ALDH1L2: variants seen among roughly 807,000 people sequenced by gnomAD.
ALDH1L2 encodes mitochondrial 10-formyltetrahydrofolate dehydrogenase.
Under a neutral mutation model 111.0 loss-of-function variants are expected in ALDH1L2, and 91 were observed. That is an observed-to-expected ratio of 0.82 (90% CI 0.69 to 0.98). The LOEUF (loss-of-function observed/expected upper bound fraction) is 0.98, where lower values mean the gene tolerates loss of function less well. ALDH1L2 is among the 50% of genes least tolerant of loss of function. The pLI, the probability that ALDH1L2 is intolerant of heterozygous loss-of-function variation, is 0.00. For missense variants in ALDH1L2, 995 were observed against 1,126.8 expected, an observed-to-expected ratio of 0.88 and a Z score of 1.67; for synonymous variants, 374 against 392.6, an observed-to-expected ratio of 0.95 and a Z score of 0.56.
chr12:105,051,159 T>G (rs539290102), intron 12 of ALDH1L2, among the ~76,000 whole-genome samples: 1 of 152,206 alleles, frequency 6.6e-6, no homozygotes, highest in Admixed American at 6.5e-5. Flanking sequence ...AACAGGGTAC[T>G]GGATATTCTC....
chr12:105,031,725 G>A (rs1265368437), intron 20 of ALDH1L2, 44 bp downstream of exon 20: 2 of 1,591,664 alleles, frequency 1.3e-6, no homozygotes, highest in Non-Finnish European at 1.7e-6. Flanking sequence ...CATTCCAACT[G>A]AAGAAGGCGG....
chr12:105,080,014 A>G (rs900085557), intron 1 of ALDH1L2, among the ~76,000 whole-genome samples: 3 of 152,200 alleles, frequency 2.0e-5, no homozygotes, highest in African/African-American at 7.2e-5. Context: ...TAGTGTAGCT[A>G]TATCTCAGTT....
At chr12:105,074,457 CCAAAAAAA>C (rs1224038184) in intron 1 of ALDH1L2, among the ~76,000 whole-genome samples, 7 of 93,700 alleles carry the variant, frequency 7.5e-5, no homozygotes, top group South Asian at 3.1e-4. Flanking sequence ...GACTCTGTCT[CCAAAAAAA>C]AAAAAAAAAA....
In ALDH1L2 at chr12:105,026,196, T is replaced by G. The variant is rs531153838; in HGVS notation, c.2716+349A>C. ...TTATTGCTCTCCACCCATTTGCCTCTCTTGGTTCCATTTAGTCTCGTGACA... is the reference window on the plus strand; with the variant it reads ...TTATTGCTCTCCACCCATTTGCCTCGCTTGGTTCCATTTAGTCTCGTGACA... On this transcript the variant is annotated intron_variant, in intron 22 of 22. Transcript: ENST00000258494. Among the ~76,000 whole-genome samples the G allele has an allele frequency of 8.9e-4, 135 of 152,310 alleles. 1 individual carries two copies. Among genetic ancestry groups the G allele is most frequent in the Non-Finnish European group, 1.4e-3 (98 of 68,026 alleles).
intron 1 of ALDH1L2, among the ~76,000 whole-genome samples, chr12:105,083,719 T>C (rs1000176813): frequency 6.6e-6 from 1 of 152,174 alleles, no homozygotes; most frequent in African/African-American, 2.4e-5. Context: ...CTCGGTTCCA[T>C]TTCTGGAGGA....
In ALDH1L2 at chr12:105,052,099, A is replaced by G. The variant is rs753101375; in HGVS notation, c.1526T>C (p.Leu509Ser). 2 of 1,603,102 alleles carry G rather than the reference A, an allele frequency of 1.2e-6. No homozygotes were observed. Among genetic ancestry groups the G allele is most frequent in the East Asian group, 4.5e-5 (2 of 44,478 alleles). Residue 509 changes from leucine (L) to serine (S), a missense_variant, in exon 12 of 23, where the codon TTG (leucine) becomes TCG (serine). Physicochemically the swap from Leu to Ser is moderately radical, Grantham distance 145. Coordinates refer to ENST00000258494, the MANE Select transcript of ALDH1L2 (RefSeq NM_001034173.4). ...TAAAAAATAGAAATACCTATACATCAATCTTCCTCTTTCTCTTGCATTCAT... is the reference window on the plus strand; with the variant it reads ...TAAAAAATAGAAATACCTATACATCGATCTTCCTCTTTCTCTTGCATTCAT... ...GRMNARERGRLMYRLADLLEE... is the reference protein window; with the variant it reads ...GRMNARERGRSMYRLADLLEE...
intron 1 of ALDH1L2, among the ~76,000 whole-genome samples, chr12:105,081,849 G>T (rs555522910): frequency 1.5e-4 from 23 of 152,252 alleles, no homozygotes; most frequent in African/African-American, 5.3e-4. Context: ...CCTTCATTCT[G>T]CTTTAATACT....
intron 6 of ALDH1L2, among the ~76,000 whole-genome samples, 176 bp from the exon 7 acceptor site, chr12:105,063,198 C>T (rs1288146937): frequency 6.6e-6 from 1 of 152,148 alleles, no homozygotes; most frequent in African/African-American, 2.4e-5. Flanking sequence ...ACAAGGTGGC[C>T]GGGCACAGTG....
rs182521463 is a variant in ALDH1L2, at chr12:105,066,167, A to T, written c.696+401T>A. The stretch of plus-strand genomic sequence containing the variant: ...TATCCCCTTTGCCCTTTTCATTAGC[A>T]TGTAGCTAGTGATATTTTGACATTT... On this transcript the variant is annotated intron_variant, in intron 5 of 22. Transcript: ENST00000258494. Among the ~76,000 whole-genome samples, 116 of 152,186 alleles carry T rather than the reference A, an allele frequency of 7.6e-4. 1 individual carries two copies. Among genetic ancestry groups the T allele is most frequent in the African/African-American group, 2.3e-3 (95 of 41,526 alleles).
At chr12:105,031,126 T>C (rs528101951) in intron 20 of ALDH1L2, among the ~76,000 whole-genome samples, 2 of 152,326 alleles carry the variant, frequency 1.3e-5, no homozygotes, top group African/African-American at 4.8e-5. Context: ...TTCTTCTTTT[T>C]CCCAGTGACT....
chr12:105,061,672 C>T lies in ALDH1L2; in HGVS notation c.1002G>A (p.Val334=). Residue 334 remains valine, a synonymous_variant, in exon 8 of 23, where the codon GTG becomes GTA. Coordinates refer to ENST00000258494, the MANE Select transcript of ALDH1L2 (RefSeq NM_001034173.4). ...SQYFSTGETS[V]VELTAEEVKV... ...TCACCTCTTCAGCTGTCAGTTCTAC[C>T]ACTGACGTCTCACCCGTTGAAAAGT... is the stretch of plus-strand genomic sequence containing the variant. 4 of 1,614,134 alleles carry T rather than the reference C, an allele frequency of 2.5e-6. No homozygotes were observed. Among genetic ancestry groups the T allele is most frequent in the Admixed American group, 3.3e-5 (2 of 60,024 alleles).
rs1426904480 is a variant in ALDH1L2, at chr12:105,036,128, A to ATATATGTGTATATATAT, written c.2146-1731_2146-1730insATATATATACACATATA. Among the ~76,000 whole-genome samples the ATATATGTGTATATATAT allele has an allele frequency of 7.8e-3, 355 of 45,226 alleles. 62 individuals are homozygous for ATATATGTGTATATATAT. Among genetic ancestry groups the ATATATGTGTATATATAT allele is most frequent in the Non-Finnish European group, 8.6e-3 (270 of 31,492 alleles). The allele number at this position is 45,226 out of a possible 152,430, so 29.7% of individuals were successfully genotyped here. On this transcript the variant is annotated intron_variant, in intron 18 of 22. Transcript: ENST00000258494. ...ATATTTATATATGTGTATATATATT[A>ATATATGTGTATATATAT]TATATATACGTATATTTATATATGT...
intron 10 of ALDH1L2, among the ~76,000 whole-genome samples, chr12:105,055,750 A>G (rs933811788): frequency 6.6e-6 from 1 of 152,204 alleles, no homozygotes; most frequent in Non-Finnish European, 1.5e-5. Context: ...AAATTATTTT[A>G]AAAAGAACCA....
intron 4 of ALDH1L2, among the ~76,000 whole-genome samples, chr12:105,066,951 G>A (rs868198827): frequency 1.3e-5 from 2 of 152,074 alleles, no homozygotes; most frequent in African/African-American, 2.4e-5. Context: ...AAGCAAGGCC[G>A]GGCGCAGTGG....
intron 1 of ALDH1L2, among the ~76,000 whole-genome samples, chr12:105,082,733 G>A (rs764171804): frequency 8.5e-5 from 13 of 152,160 alleles, no homozygotes; most frequent in Non-Finnish European, 1.3e-4. Flanking sequence ...GTGTGATTCC[G>A]GGGTCATATG....
rs1409980491 is a variant in ALDH1L2 at position 105,066,574 on chromosome 12, A to G, written c.690T>C (p.Asn230=). ...ATYEGIQKKE[N]AEISWDQSAE... ...TGAGTTGATATATAAATACCTCAGC[A>G]TTTTCCTTTTTCTGGATACCTTCAT... Residue 230 remains asparagine (N), a synonymous_variant, in exon 5 of 23, where the codon AAT becomes AAC. Coordinates refer to ENST00000258494, the MANE Select transcript of ALDH1L2 (RefSeq NM_001034173.4). 1 of 1,613,656 alleles carries G rather than the reference A, an allele frequency of 6.2e-7. No homozygotes were observed. The highest frequency in any genetic ancestry group is 1.7e-5 in the Admixed American group (1 of 60,008).
At position 105,036,389 on chromosome 12, in the gene ALDH1L2, ATG is replaced by A. The variant is rs1205324463; in HGVS notation, c.2145+1712_2145+1713del. Among the ~76,000 whole-genome samples the A allele has an allele frequency of 5.9e-5, 4 of 68,376 alleles. 2 individuals are homozygous for A. Among genetic ancestry groups the A allele is most frequent in the African/African-American group, 1.8e-4 (2 of 11,234 alleles). The allele number at this position is 68,376 out of a possible 152,430, so 44.9% of individuals were successfully genotyped here. On this transcript the variant is annotated intron_variant, in intron 18 of 22. Coordinates refer to ENST00000258494, the MANE Select transcript of ALDH1L2 (RefSeq NM_001034173.4). ...ATTATATATATACGTATATTTATAT[ATG>A]TGTATATATATTATATATATACGTA...
chr12:105,030,398 A>G lies in ALDH1L2; in HGVS notation c.2442T>C (p.Asp814=), dbSNP rs753423627. ...GFFMEPTVFT[D]VEDYMYLAKE... Reference sequence around the variant, plus strand: ...TGGCGAGGTACATGTAGTCTTCCACATCTGTGAACACGGTCGGCTCCATGA... The same window carrying G: ...TGGCGAGGTACATGTAGTCTTCCACGTCTGTGAACACGGTCGGCTCCATGA... The change falls in exon 21 of 23, where the codon GAT becomes GAC. Residue 814 remains aspartate, a synonymous_variant. Transcript: ENST00000258494. The G allele has an allele frequency of 5.6e-6, 9 of 1,611,304 alleles. No individual in the cohort carries two copies. Among genetic ancestry groups the G allele is most frequent in the Non-Finnish European group, 6.8e-6 (8 of 1,178,432 alleles).
chr12:105,034,836 T>C (rs1417097048), intron 18 of ALDH1L2, among the ~76,000 whole-genome samples: 1 of 151,882 alleles, frequency 6.6e-6, no homozygotes, highest in Non-Finnish European at 1.5e-5. Flanking sequence ...ATACAAAAAT[T>C]AGCTGGGCAT....
Sources: gnomAD v4.1 joint callset for allele counts (sites outside exome capture counted in the v4.1 genomes callset) on GRCh38, gnomAD v4.1.1 for gene constraint, MANE v1.5 for transcripts, NCBI Gene and HGNC (gene_info 2026-07-23, HGNC 2026-07-21) for gene names.